Variants in CLCN5 observed in about 807,000 individuals in gnomAD.
The protein encoded by CLCN5 is H(+)/Cl(-) exchange transporter 5.
A neutral mutation model predicts 54.0 loss-of-function variants in CLCN5; 17 were observed. That is an observed-to-expected ratio of 0.31 (90% CI 0.22 to 0.47). CLCN5 has a LOEUF of 0.47. Among genes scored for constraint, CLCN5 ranks in the 20% least tolerant of loss-of-function variants. The pLI is 1.00. For missense variants in CLCN5, 448 were observed against 646.7 expected, an observed-to-expected ratio of 0.69 and a Z score of 3.33; for synonymous variants, 222 against 233.0, an observed-to-expected ratio of 0.95 and a Z score of 0.43.
At chrX:49,993,106 G>A (rs184859572) in intron 3 of CLCN5, among the ~76,000 whole-genome samples, 20 of 111,500 alleles carry the variant, frequency 1.8e-4, no homozygotes, top group African/African-American at 5.6e-4. Context: ...GTGGATTTGG[G>A]TCTCTTCCTT....
intron 4 of CLCN5, among the ~76,000 whole-genome samples, chrX:50,063,380 C>A (rs1932895900): frequency 9.4e-6 from 1 of 106,434 alleles, no homozygotes; most frequent in Non-Finnish European, 1.9e-5. Context: ...ACTACAAACA[C>A]CTCTACGCAA....
intron 2 of CLCN5, among the ~76,000 whole-genome samples, chrX:49,924,545 T>C (rs781934111): frequency 2.0e-4 from 23 of 112,346 alleles, no homozygotes; most frequent in African/African-American, 7.4e-4. Context: ...TTGGTTTTCT[T>C]TAAACTGGTA....
At chrX:49,943,787 A>G (rs1184685189) in intron 3 of CLCN5, among the ~76,000 whole-genome samples, 7 of 110,310 alleles carry the variant, frequency 6.3e-5, no homozygotes, top group African/African-American at 1.0e-4. Flanking sequence ...CCAGTACCAT[A>G]CTGTTTTGGT....
intron 11 of CLCN5, among the ~76,000 whole-genome samples, chrX:50,087,088 A>C (rs1557194121): frequency 1.8e-5 from 2 of 111,209 alleles, no homozygotes; most frequent in Admixed American, 9.6e-5. Flanking sequence ...AGTTGTCCAA[A>C]TGCCAGCCTC....
intron 3 of CLCN5, among the ~76,000 whole-genome samples, chrX:50,025,713 G>C (rs371116728): frequency 1.8e-5 from 2 of 109,822 alleles, no homozygotes; most frequent in East Asian, 2.8e-4. Context: ...CTCTCTCTCT[G>C]TCATCCCGTT....
Position 49,935,833 on chromosome X carries a change from C to T in CLCN5, c.16+10519C>T, listed in dbSNP as rs1486836269. ...CACATGATAAAATTGGAAAGGTGGG[C>T]AGGGGACAGGCCACACAGGGTTTTA... On this transcript the variant is annotated intron_variant, in intron 3 of 14. Coordinates refer to ENST00000376091, the MANE Select transcript of CLCN5 (RefSeq NM_001127898.4). 1.3e-4 allele frequency among the ~76,000 whole-genome samples: 14 copies of T among 110,585 alleles called. No individual in the cohort carries two copies. The Admixed American group carries it at 1.3e-3, about 11-fold the overall frequency.
At chrX:49,942,143 G>T (rs1926377726) in intron 3 of CLCN5, among the ~76,000 whole-genome samples, 1 of 40,770 alleles carries the variant, frequency 2.5e-5, no homozygotes, top group African/African-American at 9.9e-5. Context: ...CTTGATTAAT[G>T]TTAAATTAGA....
intron 3 of CLCN5, among the ~76,000 whole-genome samples, chrX:49,953,181 C>T (rs953278223): frequency 1.6e-4 from 18 of 109,389 alleles, no homozygotes; most frequent in African/African-American, 3.0e-4. Flanking sequence ...CCACTGTGCC[C>T]GGCCGTGTGT....
At chrX:49,944,324 T>C (rs1480669921) in intron 3 of CLCN5, among the ~76,000 whole-genome samples, 2 of 111,812 alleles carry the variant, frequency 1.8e-5, no homozygotes, top group Non-Finnish European at 3.8e-5. Flanking sequence ...TGGGGTTTTC[T>C]AGATATACAA....
In CLCN5 at chrX:50,029,267, G is replaced by A. The variant is rs1931569411; in HGVS notation, c.17-13049G>A. ...GCTGCACCCATTAACTTGTCATTTA[G>A]CATTAGGTATATCTCCTAATGCTAT... is the stretch of plus-strand genomic sequence containing the variant. On this transcript the variant is annotated intron_variant, in intron 3 of 14. Transcript: ENST00000376091. Among the ~76,000 whole-genome samples, 2 of 109,278 alleles carry A rather than the reference G, an allele frequency of 1.8e-5. 1 individual carries two copies. The highest frequency in any genetic ancestry group is 8.1e-4 in the South Asian group (2 of 2,456). The allele number at this position is 109,278 out of a possible 115,157, so 94.9% of individuals were successfully genotyped here.
chrX:50,009,508 A>T (rs1301914382), intron 3 of CLCN5, among the ~76,000 whole-genome samples: 1 of 111,854 alleles, frequency 8.9e-6, no homozygotes, highest in Non-Finnish European at 1.9e-5. Context: ...TCTGAAAAAG[A>T]TGCCACTCAT....
At chrX:49,983,049 T>G in intron 3 of CLCN5, among the ~76,000 whole-genome samples, 1 of 112,301 alleles carries the variant, frequency 8.9e-6, no homozygotes, top group Non-Finnish European at 1.9e-5. Flanking sequence ...AGACTGCATG[T>G]TTTGTTCACG....
rs782621735 is a variant in CLCN5 at position 50,090,659 on chromosome X, T to C, written c.2144-11T>C. The C allele has an allele frequency of 3.3e-6, 4 of 1,201,595 alleles. No homozygotes were observed. Among genetic ancestry groups the C allele is most frequent in the Non-Finnish European group, 4.5e-6 (4 of 888,814 alleles). On this transcript the variant is annotated splice_polypyrimidine_tract_variant and intron_variant, in intron 13 of 14. Transcript: ENST00000376091. ...CCATCTTCAATTTGTTTTTTCCTTC[T>C]GTTTGAATAGAAAATGCTCGAAAGA... is the stretch of plus-strand genomic sequence containing the variant.
At chrX:49,934,784 C>T (rs782204822) in intron 3 of CLCN5, among the ~76,000 whole-genome samples, 19 of 111,669 alleles carry the variant, frequency 1.7e-4, no homozygotes, top group African/African-American at 5.9e-4. Flanking sequence ...TCTTCTGTGT[C>T]CCTCCTTCCC....
At chrX:50,057,812 C>G (rs1346433117) in intron 4 of CLCN5, among the ~76,000 whole-genome samples, 2 of 109,452 alleles carry the variant, frequency 1.8e-5, no homozygotes, top group Non-Finnish European at 1.9e-5. Flanking sequence ...ATAGAAAGTT[C>G]CTACAAATGT....
intron 3 of CLCN5, among the ~76,000 whole-genome samples, chrX:49,946,771 A>G (rs1314383560): frequency 2.7e-5 from 3 of 110,903 alleles, no homozygotes; most frequent in Non-Finnish European, 5.7e-5. Context: ...TGTCTGCTAT[A>G]TTTGGCATAG....
intron 1 of CLCN5, among the ~76,000 whole-genome samples, 190 bp downstream of exon 1, chrX:49,922,982 A>G (rs1199300795): frequency 8.9e-6 from 1 of 112,992 alleles, no homozygotes; most frequent in Non-Finnish European, 1.9e-5. Flanking sequence ...TAGACAGGCT[A>G]GTTCCAGCCA....
chrX:49,946,457 C>A, intron 3 of CLCN5, among the ~76,000 whole-genome samples: 1 of 111,558 alleles, frequency 9.0e-6, no homozygotes, highest in East Asian at 2.8e-4. Flanking sequence ...GGGATTGAGG[C>A]CCTCAGATCC....
intron 3 of CLCN5, among the ~76,000 whole-genome samples, chrX:49,955,291 G>C (rs1265993263): frequency 9.0e-6 from 1 of 111,057 alleles, no homozygotes; most frequent in Non-Finnish European, 1.9e-5. Flanking sequence ...ATGGCCCTTA[G>C]TTGAAACCTG....
Sources: gnomAD v4.1 joint callset for allele counts (sites outside exome capture counted in the v4.1 genomes callset) on GRCh38, gnomAD v4.1.1 for gene constraint, MANE v1.5 for transcripts, NCBI Gene and HGNC (gene_info 2026-07-23, HGNC 2026-07-21) for gene names.